COL28A1: variants seen among roughly 807,000 people sequenced by gnomAD.
COL28A1 encodes the protein collagen type XXVIII alpha 1 chain, also known as collagen alpha-1(XXVIII) chain.
Under a neutral mutation model 150.2 loss-of-function variants are expected in COL28A1, and 161 were observed. That is an observed-to-expected ratio of 1.07 (90% CI 0.94 to 1.22). The LOEUF (loss-of-function observed/expected upper bound fraction) is 1.22. COL28A1 is among the 50% of genes most tolerant of loss of function. The pLI, the probability that COL28A1 is intolerant of heterozygous loss-of-function variation, is 0.00. For synonymous variants in COL28A1, 552 were observed against 469.7 expected (o/e 1.18, Z -2.26); for missense variants, 1,617 against 1,388.3 (o/e 1.16, Z -2.62).
intron 25 of COL28A1, among the ~76,000 whole-genome samples, chr7:7,431,832 G>T (rs1332234624): frequency 6.6e-6 from 1 of 151,950 alleles, no homozygotes; most frequent in South Asian, 2.1e-4. Context: ...GAAGCAGAAA[G>T]AAAAAAAGGA....
At chr7:7,367,618 C>T (rs1388622566) in intron 33 of COL28A1, among the ~76,000 whole-genome samples, 2 of 152,038 alleles carry the variant, frequency 1.3e-5, no homozygotes, top group African/African-American at 2.4e-5. Flanking sequence ...TTCTTACGTC[C>T]TCCCCTCCCC....
At position 7,511,113 on chromosome 7, in the gene COL28A1, T is replaced by C; in HGVS notation, c.905A>G (p.Lys302Arg). Reference sequence around the variant, plus strand: ...TACCTTGTCACCTTTTATCCCTGGTTTACCACATTCCCCACGTTCACCCTA... The same window carrying C: ...TACCTTGTCACCTTTTATCCCTGGTCTACCACATTCCCCACGTTCACCCTA... ...GDKGERGECG[K>R]PGIKGDKGSP... is the part of the protein sequence containing the mutation. Residue 302 changes from lysine to arginine, a missense_variant, in exon 9 of 35, where the codon AAA (lysine) becomes AGA (arginine). By Grantham distance (26) the Lys-to-Arg change is conservative. Coordinates refer to ENST00000399429, the MANE Select transcript of COL28A1 (RefSeq NM_001037763.3). 2 of 1,613,268 alleles carry C rather than the reference T, an allele frequency of 1.2e-6. No homozygotes were observed. The highest frequency in any genetic ancestry group is 1.7e-4 in the Middle Eastern group (1 of 6,054).
At chr7:7,348,992 C>T in the COL28A1 span, among the ~76,000 whole-genome samples, 1 of 152,234 alleles carries the variant, frequency 6.6e-6, no homozygotes, top group African/African-American at 2.4e-5. Context: ...GCAATCCTCC[C>T]TCCTCAGACT....
At chr7:7,395,821 C>G (rs1010754838) in intron 27 of COL28A1, among the ~76,000 whole-genome samples, 1 of 152,204 alleles carries the variant, frequency 6.6e-6, no homozygotes, top group Non-Finnish European at 1.5e-5. Flanking sequence ...TACTTCTCTT[C>G]TAGTTTGCCT....
At chr7:7,383,717 T>A (rs1782024898) in intron 27 of COL28A1, among the ~76,000 whole-genome samples, 1 of 139,000 alleles carries the variant, frequency 7.2e-6, no homozygotes, top group Non-Finnish European at 1.6e-5. Flanking sequence ...TATGAGATTC[T>A]AATTTGTTGA....
At chr7:7,363,044 G>A (rs974197540) in intron 33 of COL28A1, among the ~76,000 whole-genome samples, 5 of 152,084 alleles carry the variant, frequency 3.3e-5, no homozygotes, top group Non-Finnish European at 5.9e-5. Flanking sequence ...TGGTAAGCTA[G>A]TGACAAACCT....
chr7:7,393,501 T>C (rs192373969), intron 27 of COL28A1, among the ~76,000 whole-genome samples: 1 of 152,208 alleles, frequency 6.6e-6, no homozygotes, highest in African/African-American at 2.4e-5. Flanking sequence ...GATGCACTGC[T>C]CTCTTCAAAG....
rs1487271593 is a variant in COL28A1, at chr7:7,373,101, C to T, written c.2805G>A (p.Val935=). The T allele has an allele frequency of 6.2e-6, 10 of 1,614,184 alleles. No individual in the cohort carries two copies. Among genetic ancestry groups the T allele is most frequent in the Non-Finnish European group, 8.5e-6 (10 of 1,180,022 alleles). Residue 935 remains valine (V), a synonymous_variant, in exon 32 of 35, where the codon GTG becomes GTA. Transcript: ENST00000399429. This position sits in a 1 kb window ranked among gnomAD's most constrained non-coding sequence, Gnocchi z 4.1. ...TTTCAAAGTTGGGATCATTTTTCTT[C>T]ACCACCCCTATCACAAATATCTCCA... ...TNVEIFVIGV[V]KKNDPNFEIF...
intron 25 of COL28A1, among the ~76,000 whole-genome samples, chr7:7,429,406 CCTCTCT>C (rs4035101): frequency 2.8e-3 from 374 of 134,400 alleles, no homozygotes; most frequent in African/African-American, 0.01. Flanking sequence ...TATGAATCTC[CCTCTCT>C]CTCTCTCTCT....
chr7:7,443,996 T>TTTTG (rs1470424684), intron 19 of COL28A1, among the ~76,000 whole-genome samples: 3 of 151,210 alleles, frequency 2.0e-5, no homozygotes, highest in Non-Finnish European at 4.4e-5. Flanking sequence ...GTTTTTTTTT[T>TTTTG]TTTTTTTTTT....
chr7:7,490,493 G>C, intron 12 of COL28A1, 85 bp downstream of exon 12: 1 of 690,742 alleles, frequency 1.4e-6, no homozygotes, highest in South Asian at 2.1e-5. Context: ...TTGGATTTAG[G>C]CCAAATGGAG....
At chr7:7,447,994 G>C (rs1192858175) in intron 18 of COL28A1, among the ~76,000 whole-genome samples, 1 of 152,162 alleles carries the variant, frequency 6.6e-6, no homozygotes, top group East Asian at 1.9e-4. Context: ...TTGAACCCAG[G>C]AGGCAAGGCT....
intron 27 of COL28A1, among the ~76,000 whole-genome samples, chr7:7,390,564 A>T (rs564040338): frequency 6.6e-6 from 1 of 152,286 alleles, no homozygotes; most frequent in African/African-American, 2.4e-5. Context: ...TTCAGAAGAC[A>T]TGGTACCAGC....
At chr7:7,393,004 G>C (rs1192200662) in intron 27 of COL28A1, among the ~76,000 whole-genome samples, 3 of 152,024 alleles carry the variant, frequency 2.0e-5, no homozygotes, top group African/African-American at 7.3e-5. Context: ...TTCTCGATCA[G>C]TTTTGTTCCC....
chr7:7,508,157 G>A (rs886810134), intron 9 of COL28A1, among the ~76,000 whole-genome samples: 2 of 152,008 alleles, frequency 1.3e-5, no homozygotes, highest in Non-Finnish European at 2.9e-5. Context: ...GCGTGAACCC[G>A]GGAGGCGGAG....
intron 1 of COL28A1, among the ~76,000 whole-genome samples, chr7:7,534,179 G>A (rs1340887448): frequency 6.6e-6 from 1 of 152,162 alleles, no homozygotes; most frequent in Non-Finnish European, 1.5e-5. Context: ...CATCCAGCTG[G>A]AAGTGTATTA....
At position 7,392,370 on chromosome 7, in the gene COL28A1, T is replaced by C. The variant is rs533661876; in HGVS notation, c.2137-10758A>G. ...TGTTAGTCTGATGTGCTTCCCTTTG[T>C]GGGTAACCTGACCTTTCTCTCTGGC... On this transcript the variant is annotated intron_variant, in intron 27 of 34. Coordinates refer to ENST00000399429, the MANE Select transcript of COL28A1 (RefSeq NM_001037763.3). 3.9e-5 allele frequency among the ~76,000 whole-genome samples: 6 copies of C among 152,342 alleles called. No individual in the cohort carries two copies. In the East Asian group the frequency reaches 1.2e-3, roughly 29 times the overall value.
intron 14 of COL28A1, 40 bp downstream of exon 14, chr7:7,477,072 A>G: frequency 1.1e-6 from 1 of 884,936 alleles, no homozygotes; most frequent in South Asian, 1.3e-5. Flanking sequence ...ACGAGCATGT[A>G]AGACAAAGCA....
At chr7:7,377,577 G>C (rs2128286887) in intron 30 of COL28A1, among the ~76,000 whole-genome samples, 2 of 152,234 alleles carry the variant, frequency 1.3e-5, no homozygotes, top group South Asian at 4.1e-4. Context: ...CTGCATTACA[G>C]TACTCGAGTA....
Sources: allele counts gnomAD v4.1 joint callset (sites outside exome capture counted in the v4.1 genomes callset), GRCh38; gene constraint gnomAD v4.1.1; non-coding constraint Gnocchi (gnomAD v3.1); transcripts MANE v1.5; gene names NCBI Gene and HGNC (gene_info 2026-07-23, HGNC 2026-07-21).